KCNIP4: variants seen among roughly 807,000 people sequenced by gnomAD.
KCNIP4 encodes Kv channel-interacting protein 4.
KCNIP4 carries 12 observed loss-of-function variants against 34.0 expected under a neutral mutation model. The ratio of observed to expected loss-of-function variants is 0.35; its 90% CI spans 0.23 to 0.57. The LOEUF is 0.57. KCNIP4 is among the 20% of genes least tolerant of loss of function. KCNIP4 has a pLI of 0.83. For missense variants in KCNIP4, 238 were observed against 311.7 expected (o/e 0.76, Z 1.78); for synonymous variants, 124 against 102.2 (o/e 1.21, Z -1.29).
intron 1 of KCNIP4, among the ~76,000 whole-genome samples, chr4:21,666,260 G>A (rs1481085283): frequency 2.0e-5 from 3 of 152,310 alleles, no homozygotes; most frequent in Middle Eastern, 3.4e-3. Flanking sequence ...TTGATGAGAA[G>A]ATATATGATA....
At chr4:21,869,524 C>A (rs1417301830) in intron 1 of KCNIP4, among the ~76,000 whole-genome samples, 2 of 152,190 alleles carry the variant, frequency 1.3e-5, no homozygotes, top group Non-Finnish European at 2.9e-5. Flanking sequence ...CCTTTCAAGT[C>A]CCCTATTTCT....
chr4:21,528,025 G>T (rs950512520), intron 1 of KCNIP4, among the ~76,000 whole-genome samples: 1 of 152,004 alleles, frequency 6.6e-6, no homozygotes, highest in Non-Finnish European at 1.5e-5. Context: ...CCACGGGGTC[G>T]GTCCTAATCA....
At chr4:21,597,887 G>A (rs559669233) in intron 1 of KCNIP4, among the ~76,000 whole-genome samples, 5 of 152,090 alleles carry the variant, frequency 3.3e-5, no homozygotes, top group South Asian at 2.1e-4. Context: ...GGACTTGTTC[G>A]ATTTATAGCA....
At chr4:21,311,428 C>A (rs988209549) in intron 1 of KCNIP4, among the ~76,000 whole-genome samples, 1 of 152,094 alleles carries the variant, frequency 6.6e-6, no homozygotes. Flanking sequence ...TGATGGAAAC[C>A]ACCTGTTATC....
chr4:21,227,230 T>C (rs1560191610), intron 1 of KCNIP4, among the ~76,000 whole-genome samples: 1 of 152,310 alleles, frequency 6.6e-6, no homozygotes, highest in Admixed American at 6.5e-5. Context: ...AGAAAGTCAT[T>C]GCTGAGAGCA....
intron 1 of KCNIP4, among the ~76,000 whole-genome samples, chr4:21,103,745 A>C (rs55809385): frequency 7.8e-4 from 70 of 89,188 alleles, no homozygotes; most frequent in African/African-American, 1.1e-3. Flanking sequence ...TCCCCCCACC[A>C]CACAACAGGC....
intron 3 of KCNIP4, among the ~76,000 whole-genome samples, chr4:20,832,822 T>A (rs1718582723): frequency 1.9e-5 from 1 of 52,956 alleles, no homozygotes; most frequent in Admixed American, 1.7e-4. Flanking sequence ...GATCTTTGAA[T>A]GACAGAAGGG....
At chr4:20,913,967 C>T (rs1249911619) in intron 1 of KCNIP4, among the ~76,000 whole-genome samples, 1 of 152,082 alleles carries the variant, frequency 6.6e-6, no homozygotes, top group Non-Finnish European at 1.5e-5. Flanking sequence ...ACCAGCCTGG[C>T]TACCATGGTG....
At chr4:21,457,624 T>C (rs1043422064) in intron 1 of KCNIP4, among the ~76,000 whole-genome samples, 1 of 151,918 alleles carries the variant, frequency 6.6e-6, no homozygotes, top group African/African-American at 2.4e-5. Context: ...CAAATAAAAA[T>C]CACACTCCCT....
intron 1 of KCNIP4, among the ~76,000 whole-genome samples, chr4:21,116,670 C>T (rs1489684091): frequency 2.6e-5 from 4 of 152,058 alleles, no homozygotes; most frequent in South Asian, 2.1e-4. Flanking sequence ...TGTAGTTATT[C>T]CTTGTTGGGC....
Position 20,882,723 on chromosome 4 carries a change from G to A in KCNIP4, c.62-14C>T, listed in dbSNP as rs1273484383. The A allele has an allele frequency of 6.3e-7, 1 of 1,593,568 alleles. No individual in the cohort carries two copies. Among genetic ancestry groups the A allele is most frequent in the Non-Finnish European group, 8.6e-7 (1 of 1,161,898 alleles). On this transcript the variant is annotated splice_polypyrimidine_tract_variant and intron_variant, in intron 1 of 8. Coordinates refer to ENST00000382152, the MANE Select transcript of KCNIP4 (RefSeq NM_025221.6). ...CGTACAGGAAACCTAGAAGATACAG[G>A]ATCAGTTCTGTTAATGCTGTCTGCA...
intron 1 of KCNIP4, among the ~76,000 whole-genome samples, chr4:21,056,900 A>T (rs1743457684): frequency 6.6e-6 from 1 of 152,180 alleles, no homozygotes; most frequent in African/African-American, 2.4e-5. Flanking sequence ...TAGCTCCCTT[A>T]TGAGAAGAGA....
At chr4:21,795,979 G>A (rs1720600051) in intron 1 of KCNIP4, among the ~76,000 whole-genome samples, 1 of 152,144 alleles carries the variant, frequency 6.6e-6, no homozygotes, top group South Asian at 2.1e-4. Context: ...AGAAGCAAAA[G>A]AATCACTTGA....
intron 3 of KCNIP4, among the ~76,000 whole-genome samples, chr4:20,825,727 T>C (rs1388915422): frequency 6.6e-6 from 1 of 152,136 alleles, no homozygotes. Context: ...AGATGAGTCA[T>C]GAACATGGGT....
intron 2 of KCNIP4, among the ~76,000 whole-genome samples, chr4:20,852,634 G>T (rs890628366): frequency 6.6e-6 from 1 of 152,236 alleles, no homozygotes; most frequent in African/African-American, 2.4e-5. Context: ...AGAGCAATCA[G>T]ACAAGAGAAA....
At chr4:21,414,056 C>T (rs1053598864) in intron 1 of KCNIP4, among the ~76,000 whole-genome samples, 1 of 152,038 alleles carries the variant, frequency 6.6e-6, no homozygotes, top group Non-Finnish European at 1.5e-5. Context: ...ACGAAAAAAT[C>T]TTGGCCTTAC....
At chr4:21,577,563 G>A (rs1178910902) in intron 1 of KCNIP4, among the ~76,000 whole-genome samples, 4 of 152,008 alleles carry the variant, frequency 2.6e-5, no homozygotes, top group South Asian at 2.1e-4. Flanking sequence ...CCCAGGAGGC[G>A]GAGGTTACAG....
intron 1 of KCNIP4, among the ~76,000 whole-genome samples, chr4:21,473,424 C>T (rs1217732603): frequency 1.3e-5 from 2 of 152,238 alleles, no homozygotes; most frequent in East Asian, 3.9e-4. Context: ...GCTCCCCTTC[C>T]TGGAGAGGCT....
chr4:20,810,078 G>A (rs574300635), intron 3 of KCNIP4, among the ~76,000 whole-genome samples: 4 of 152,298 alleles, frequency 2.6e-5, no homozygotes, highest in African/African-American at 9.6e-5. Context: ...GTCTGTGAAC[G>A]ACTGCAGCAA....
Sources: gnomAD v4.1 joint callset for allele counts (sites outside exome capture counted in the v4.1 genomes callset) on GRCh38, gnomAD v4.1.1 for gene constraint, MANE v1.5 for transcripts, NCBI Gene and HGNC (gene_info 2026-07-23, HGNC 2026-07-21) for gene names.